GRID1: variants seen among roughly 807,000 people sequenced by gnomAD.
The protein encoded by GRID1 is glutamate ionotropic receptor delta type subunit 1.
A neutral mutation model predicts 98.0 loss-of-function variants in GRID1; 28 were observed. The observed-to-expected ratio is 0.29, with a 90% CI of 0.21 to 0.39. The LOEUF is 0.39. GRID1 is among the 10% of genes least tolerant of loss of function. GRID1 has a pLI of 1.00. For missense variants in GRID1, 1,111 were observed against 1,340.5 expected (o/e 0.83, Z 2.67); for synonymous variants, 553 against 538.5 (o/e 1.03, Z -0.37).
At chr10:86,122,073 G>A (rs1844685060) in intron 4 of GRID1, among the ~76,000 whole-genome samples, 1 of 152,180 alleles carries the variant, frequency 6.6e-6, no homozygotes. Flanking sequence ...ACAGACCTAA[G>A]GGCAACCTGT....
chr10:85,973,865 G>A (rs1025365668), intron 4 of GRID1, among the ~76,000 whole-genome samples: 5 of 152,204 alleles, frequency 3.3e-5, no homozygotes, highest in African/African-American at 1.2e-4. Flanking sequence ...GTCAGATTAT[G>A]TGGATTTGAA....
rs138717384 is a variant in GRID1 at position 85,691,190 on chromosome 10, C to T, written c.1997+31813G>A. On this transcript the variant is annotated intron_variant, in intron 12 of 15. Coordinates refer to ENST00000327946, the MANE Select transcript of GRID1 (RefSeq NM_017551.3). ...TGAACCAATGGTTTTTACATGACAGCAGTGATTCTGCTTCACATTATTGTC... is the reference window on the plus strand; with the variant it reads ...TGAACCAATGGTTTTTACATGACAGTAGTGATTCTGCTTCACATTATTGTC... Among the ~76,000 whole-genome samples the T allele has an allele frequency of 2.0e-5, 3 of 152,326 alleles. No homozygotes were observed. In the East Asian group the frequency reaches 5.8e-4, roughly 29 times the overall value.
chr10:86,070,142 C>A (rs1843782627), intron 4 of GRID1, among the ~76,000 whole-genome samples: 2 of 152,216 alleles, frequency 1.3e-5, no homozygotes, highest in African/African-American at 4.8e-5. Context: ...TCCTGCATCT[C>A]ATGCTTACCT....
At chr10:86,168,391 C>A (rs2131991370) in intron 3 of GRID1, among the ~76,000 whole-genome samples, 1 of 152,290 alleles carries the variant, frequency 6.6e-6, no homozygotes, top group East Asian at 1.9e-4. Context: ...ACTCGCCCGC[C>A]CTCGTGCACT....
intron 4 of GRID1, among the ~76,000 whole-genome samples, chr10:86,077,721 G>A (rs1277039594): frequency 1.3e-5 from 2 of 152,338 alleles, no homozygotes; most frequent in African/African-American, 4.8e-5. Flanking sequence ...GCTCTTTGCA[G>A]CCCTCTGAGA....
chr10:85,935,023 T>C (rs1841907823), intron 4 of GRID1, among the ~76,000 whole-genome samples: 1 of 152,200 alleles, frequency 6.6e-6, no homozygotes, highest in Non-Finnish European at 1.5e-5. Flanking sequence ...TAGAAGTAAG[T>C]TTCACAAAGT....
intron 4 of GRID1, among the ~76,000 whole-genome samples, chr10:86,022,155 C>T (rs1253432768): frequency 2.6e-5 from 4 of 152,174 alleles, no homozygotes; most frequent in Admixed American, 6.5e-5. Flanking sequence ...TGTACATTTA[C>T]AGCATATCTT....
intron 8 of GRID1, among the ~76,000 whole-genome samples, chr10:85,828,316 C>A (rs919677333): frequency 5.9e-5 from 9 of 151,950 alleles, no homozygotes; most frequent in Non-Finnish European, 1.2e-4. Context: ...ATTTATAGTG[C>A]TGAATCCCAC....
At chr10:85,774,545 A>T (rs1240091806) in intron 8 of GRID1, among the ~76,000 whole-genome samples, 1 of 151,484 alleles carries the variant, frequency 6.6e-6, no homozygotes, top group Non-Finnish European at 1.5e-5. Flanking sequence ...GGCAACCTAC[A>T]ACATGGGAGA....
chr10:86,178,458 G>C (rs141441850), intron 3 of GRID1, among the ~76,000 whole-genome samples: 1 of 152,234 alleles, frequency 6.6e-6, no homozygotes, highest in South Asian at 2.1e-4. Context: ...TTTGGCAAAC[G>C]GTGCTGGGTT....
At chr10:85,961,295 C>A (rs1842263334) in intron 4 of GRID1, among the ~76,000 whole-genome samples, 1 of 152,162 alleles carries the variant, frequency 6.6e-6, no homozygotes, top group Non-Finnish European at 1.5e-5. Flanking sequence ...CAGCTGGCAC[C>A]ACCAGGCACA....
intron 4 of GRID1, among the ~76,000 whole-genome samples, chr10:86,137,110 G>T (rs1175950064): frequency 6.6e-6 from 1 of 152,204 alleles, no homozygotes; most frequent in Non-Finnish European, 1.5e-5. Context: ...TAACCACTTG[G>T]CAATAACATC....
chr10:85,838,001 A>G (rs1168371137), intron 8 of GRID1, among the ~76,000 whole-genome samples: 1 of 152,242 alleles, frequency 6.6e-6, no homozygotes, highest in Non-Finnish European at 1.5e-5. Context: ...AAACACTACA[A>G]GAATTTCATA....
chr10:85,738,132 A>G (rs749164198), intron 8 of GRID1, among the ~76,000 whole-genome samples: 5 of 152,168 alleles, frequency 3.3e-5, no homozygotes, highest in Non-Finnish European at 7.3e-5. Flanking sequence ...CAAAAGTTAT[A>G]GGAAAATATC....
At chr10:85,780,632 G>T (rs767641581) in intron 8 of GRID1, among the ~76,000 whole-genome samples, 5 of 152,192 alleles carry the variant, frequency 3.3e-5, no homozygotes, top group Non-Finnish European at 5.9e-5. Context: ...CTCATACAAG[G>T]TTAGTTATGA....
intron 4 of GRID1, among the ~76,000 whole-genome samples, chr10:86,006,604 G>A (rs146837271): frequency 0.011 from 1,726 of 151,746 alleles, 42 homozygotes; most frequent in African/African-American, 0.04. Context: ...GCGACAGAGC[G>A]AGACGCCGTC....
intron 4 of GRID1, among the ~76,000 whole-genome samples, chr10:85,970,290 A>C (rs1842390772): frequency 1.3e-5 from 2 of 152,206 alleles, no homozygotes; most frequent in South Asian, 4.1e-4. Context: ...AAAATAGAAT[A>C]GGAGGGAACA....
intron 6 of GRID1, among the ~76,000 whole-genome samples, chr10:85,857,369 C>A (rs1843121758): frequency 6.6e-6 from 1 of 152,154 alleles, no homozygotes; most frequent in African/African-American, 2.4e-5. Context: ...GCAGGCCAGG[C>A]TCAGCCTCCT....
intron 4 of GRID1, among the ~76,000 whole-genome samples, chr10:86,132,830 G>A (rs985576898): frequency 3.3e-5 from 5 of 152,348 alleles, no homozygotes; most frequent in African/African-American, 1.2e-4. Flanking sequence ...GGGCTTCTAT[G>A]AAGGATCAAA....
Sources: gnomAD v4.1 joint callset for allele counts (sites outside exome capture counted in the v4.1 genomes callset) on GRCh38, gnomAD v4.1.1 for gene constraint, MANE v1.5 for transcripts, NCBI Gene and HGNC (gene_info 2026-07-23, HGNC 2026-07-21) for gene names.